Variants in ITGA8 observed in about 807,000 individuals in gnomAD.
ITGA8 encodes the protein integrin subunit alpha 8, also known as integrin alpha-8.
In ITGA8, 91 loss-of-function variants were observed where a neutral mutation model predicts 142.3. The observed-to-expected ratio is 0.64, with a 90% CI of 0.54 to 0.76. ITGA8 has a LOEUF of 0.76. Among genes scored for constraint, ITGA8 ranks in the 30% least tolerant of loss-of-function variants. The probability of loss-of-function intolerance (pLI) is 0.00; values close to 1 mark genes in which losing one functional copy is unlikely to be tolerated. For missense variants in ITGA8, 1,406 were observed against 1,327.7 expected (o/e 1.06, Z -0.92); for synonymous variants, 505 against 485.2 (o/e 1.04, Z -0.54).
intron 2 of ITGA8, among the ~76,000 whole-genome samples, chr10:15,705,591 C>G (rs1588740111): frequency 1.3e-5 from 2 of 152,304 alleles, no homozygotes; most frequent in South Asian, 4.1e-4. Context: ...AGACTATAAT[C>G]AAGCTATAAT....
At chr10:15,690,235 G>A (rs1264128707) in intron 2 of ITGA8, among the ~76,000 whole-genome samples, 5 of 152,158 alleles carry the variant, frequency 3.3e-5, no homozygotes, top group African/African-American at 1.2e-4. Context: ...GTCCACTGCT[G>A]TGTCCAGCAC....
intron 15 of ITGA8, among the ~76,000 whole-genome samples, chr10:15,609,409 A>G (rs191763884): frequency 1.2e-4 from 18 of 152,320 alleles, no homozygotes; most frequent in Non-Finnish European, 2.2e-4. Flanking sequence ...TACTTTAATT[A>G]TGTGTCAGCT....
chr10:15,665,032 G>A (rs577800521), intron 8 of ITGA8, among the ~76,000 whole-genome samples: 2 of 152,284 alleles, frequency 1.3e-5, no homozygotes, highest in East Asian at 3.9e-4. Flanking sequence ...TATATACCCA[G>A]TAATGGGATT....
Position 15,605,466 on chromosome 10 carries a change from T to C in ITGA8, c.1970+258A>G, listed in dbSNP as rs546515111. Among the ~76,000 whole-genome samples the C allele has an allele frequency of 1.2e-4, 16 of 136,140 alleles. No individual in the cohort carries two copies. In the South Asian group the frequency reaches 4.6e-3, roughly 39 times the overall value. 89.3% of individuals were successfully genotyped at this position (136,140 alleles called of 152,430 possible). A position where few individuals can be genotyped will look rare whatever the true frequency, so the allele number is the denominator to read the frequency against. On this transcript the variant is annotated intron_variant, in intron 19 of 29. Transcript: ENST00000378076. ...GAGCCACCCCATCAATGAGTTTACT[T>C]TCAACAAAAACATTTTTTTCCCCAC...
chr10:15,534,615 C>T (rs531704676), intron 27 of ITGA8, among the ~76,000 whole-genome samples: 159 of 152,172 alleles, frequency 1.0e-3, no homozygotes, highest in African/African-American at 3.8e-3. Context: ...TTGAATTGGA[C>T]ACCCTTTCCT....
chr10:15,646,769 T>C (rs1400661649), intron 12 of ITGA8, 77 bp downstream of exon 12: 1 of 1,055,588 alleles, frequency 9.5e-7, no homozygotes, highest in Non-Finnish European at 1.4e-6. Context: ...CCATACTGAA[T>C]ACTTTAAAAC....
intron 2 of ITGA8, among the ~76,000 whole-genome samples, chr10:15,707,464 C>A (rs1368700271): frequency 6.6e-6 from 1 of 152,154 alleles, no homozygotes; most frequent in Non-Finnish European, 1.5e-5. Context: ...AGAAGGAATG[C>A]AGCTCTGCCA....
chr10:15,548,611 G>A, intron 26 of ITGA8, 43 bp from the exon 27 acceptor site: 3 of 1,253,310 alleles, frequency 2.4e-6, no homozygotes, highest in Non-Finnish European at 3.5e-6. Flanking sequence ...TTAAATCATG[G>A]TAGAGACTGA....
chr10:15,583,965 T>C (rs148565216), intron 23 of ITGA8, among the ~76,000 whole-genome samples: 3 of 152,298 alleles, frequency 2.0e-5, no homozygotes, highest in Non-Finnish European at 4.4e-5. Flanking sequence ...AGAATTTCTA[T>C]ACACTAATGA....
intron 25 of ITGA8, among the ~76,000 whole-genome samples, chr10:15,561,875 T>G (rs1233249898): frequency 6.6e-6 from 1 of 152,178 alleles, no homozygotes; most frequent in Non-Finnish European, 1.5e-5. Flanking sequence ...CAGTTCTCCC[T>G]GGCTGGGGAG....
chr10:15,697,995 T>C (rs1835088763), intron 2 of ITGA8, among the ~76,000 whole-genome samples: 1 of 152,222 alleles, frequency 6.6e-6, no homozygotes, highest in African/African-American at 2.4e-5. Flanking sequence ...TCTGAGATTT[T>C]GGTGCACCCA....
intron 25 of ITGA8, among the ~76,000 whole-genome samples, chr10:15,567,457 C>T (rs1834100077): frequency 6.6e-6 from 1 of 152,146 alleles, no homozygotes; most frequent in Non-Finnish European, 1.5e-5. Flanking sequence ...GACAGTTGAA[C>T]ATTTCAAAAT....
chr10:15,671,670 A>G, intron 7 of ITGA8, 23 bp from the exon 8 acceptor site: 1 of 1,583,004 alleles, frequency 6.3e-7, no homozygotes, highest in South Asian at 1.1e-5. Flanking sequence ...AAAAGAAACA[A>G]ACTAATCACA....
At chr10:15,591,140 A>G (rs1832915247) in intron 22 of ITGA8, among the ~76,000 whole-genome samples, 1 of 152,174 alleles carries the variant, frequency 6.6e-6, no homozygotes, top group Non-Finnish European at 1.5e-5. Flanking sequence ...AGATATTAAG[A>G]TAAACTTAGA....
At chr10:15,549,232 C>G (rs1833746981) in intron 26 of ITGA8, among the ~76,000 whole-genome samples, 1 of 61,450 alleles carries the variant, frequency 1.6e-5, no homozygotes, top group Non-Finnish European at 2.9e-5. Context: ...TTTTTTGAGA[C>G]AGAGTTTTGC....
intron 13 of ITGA8, among the ~76,000 whole-genome samples, chr10:15,624,097 G>A (rs1189444340): frequency 6.6e-6 from 1 of 152,112 alleles, no homozygotes; most frequent in Non-Finnish European, 1.5e-5. Context: ...GGAACCCTGA[G>A]GTTTTTCCAG....
chr10:15,671,678 A>C (rs754473807), intron 7 of ITGA8, 31 bp from the exon 8 acceptor site: 2 of 1,551,326 alleles, frequency 1.3e-6, no homozygotes, highest in Non-Finnish European at 1.8e-6. Context: ...CAAACTAATC[A>C]CACTTAATGA....
intron 2 of ITGA8, among the ~76,000 whole-genome samples, chr10:15,691,967 C>T (rs1834942576): frequency 6.6e-6 from 1 of 152,108 alleles, no homozygotes. Flanking sequence ...GACAGGGTCT[C>T]ACTCTGTTAC....
intron 11 of ITGA8, among the ~76,000 whole-genome samples, chr10:15,649,102 A>C (rs1485512301): frequency 6.6e-6 from 1 of 152,060 alleles, no homozygotes; most frequent in Non-Finnish European, 1.5e-5. Flanking sequence ...TTGTGAGCCA[A>C]ACCAAGTGTC....
Sources: allele counts gnomAD v4.1 joint callset (sites outside exome capture counted in the v4.1 genomes callset), GRCh38; gene constraint gnomAD v4.1.1; transcripts MANE v1.5; gene names NCBI Gene and HGNC (gene_info 2026-07-23, HGNC 2026-07-21).